VPS13B: variants seen among roughly 807,000 people sequenced by gnomAD.
VPS13B encodes intermembrane lipid transfer protein VPS13B.
In VPS13B, 285 loss-of-function variants were observed where a neutral mutation model predicts 426.4. That is an observed-to-expected ratio of 0.67 (90% CI 0.61 to 0.74). The LOEUF (loss-of-function observed/expected upper bound fraction) is 0.74. Among genes scored for constraint, VPS13B ranks in the 30% least tolerant of loss-of-function variants. The pLI is 0.00. For missense variants in VPS13B, 4,537 were observed against 4,782.6 expected (o/e 0.95, Z 1.51); for synonymous variants, 1,676 against 1,676.4 (o/e 1.00, Z 0.01).
chr8:99,034,105 T>C (rs1842635166), intron 2 of VPS13B, among the ~76,000 whole-genome samples: 1 of 152,252 alleles, frequency 6.6e-6, no homozygotes, highest in Non-Finnish European at 1.5e-5. Flanking sequence ...GCAGCAGCTT[T>C]GGATTTTGAT....
At chr8:99,242,054 C>G (rs1424211623) in intron 17 of VPS13B, among the ~76,000 whole-genome samples, 1 of 152,014 alleles carries the variant, frequency 6.6e-6, no homozygotes, top group Non-Finnish European at 1.5e-5. Flanking sequence ...GGTCTCGGCT[C>G]ACTGCAACCT....
chr8:99,277,833 C>T (rs749962531), intron 19 of VPS13B, among the ~76,000 whole-genome samples: 4 of 152,138 alleles, frequency 2.6e-5, no homozygotes, highest in African/African-American at 4.8e-5. Context: ...ACTGTGTTCC[C>T]AGCATCTAGA....
chr8:99,185,182 C>CT (rs1412288883), intron 16 of VPS13B, among the ~76,000 whole-genome samples: 1 of 152,098 alleles, frequency 6.6e-6, no homozygotes, highest in Admixed American at 6.5e-5. Flanking sequence ...AGGCTGTAGA[C>CT]ATACACCTAT....
chr8:99,642,257 G>A lies in VPS13B; in HGVS notation c.5667G>A (p.Gly1889=), dbSNP rs1196457576. 1.2e-5 allele frequency: 19 copies of A among 1,613,966 alleles called. No homozygotes were observed. The highest frequency in any genetic ancestry group is 2.7e-5 in the African/African-American group (2 of 74,902). The change falls in exon 34 of 62, where the codon GGG becomes GGA. Residue 1889 remains glycine, a synonymous_variant. Transcript: ENST00000357162. ...CTTTTCCTTCAGGGAAAAAAATAGG[G>A]GTCCTCTCTCTTGAAAGTCTTCATG... ...SISFPSGKKI[G]VLSLESLHAS... is the part of the protein sequence containing the mutation.
At chr8:99,778,639 G>A in intron 41 of VPS13B, 43 bp from the exon 42 acceptor site, 1 of 1,531,482 alleles carries the variant, frequency 6.5e-7, no homozygotes, top group South Asian at 1.1e-5. Context: ...ACAAAATATT[G>A]GCTCATCTTA....
chr8:99,819,918 C>T lies in VPS13B; in HGVS notation c.8793-3C>T. 6.2e-7 allele frequency: 1 copy of T among 1,613,812 alleles called. No individual in the cohort carries two copies. The highest frequency in any genetic ancestry group is 8.5e-7 in the Non-Finnish European group (1 of 1,179,814). On this transcript the variant is annotated splice_polypyrimidine_tract_variant and splice_region_variant and intron_variant, in intron 48 of 61. Coordinates refer to ENST00000357162, the MANE Select transcript of VPS13B (RefSeq NM_152564.5). Reference sequence around the variant, plus strand: ...AGTCTCTTGGATGTGGTTTTTGGAACAGGAATGAACAGCTAAGTCAGTGGG... The same window carrying T: ...AGTCTCTTGGATGTGGTTTTTGGAATAGGAATGAACAGCTAAGTCAGTGGG...
At chr8:99,854,294 C>A in intron 56 of VPS13B, 38 bp downstream of exon 56, 1 of 1,599,726 alleles carries the variant, frequency 6.3e-7, no homozygotes, top group Non-Finnish European at 8.5e-7. Flanking sequence ...TGAGCTAGAG[C>A]CCGGGTAGAA....
intron 31 of VPS13B, among the ~76,000 whole-genome samples, chr8:99,559,903 T>G (rs922849930): frequency 6.6e-5 from 10 of 152,166 alleles, no homozygotes. Flanking sequence ...CTTTTTTGGT[T>G]CCATATGAAC....
At chr8:99,065,083 T>A (rs992761656) in intron 3 of VPS13B, among the ~76,000 whole-genome samples, 1 of 152,186 alleles carries the variant, frequency 6.6e-6, no homozygotes, top group African/African-American at 2.4e-5. Flanking sequence ...CCACCAGGCC[T>A]GCCCTAAAAG....
chr8:99,871,185 C>G (rs1817390184), intron 60 of VPS13B: 10 of 612,118 alleles, frequency 1.6e-5, no homozygotes, highest in Non-Finnish European at 2.8e-5. Flanking sequence ...AACCAGCACT[C>G]TAATTAGAGG....
At chr8:99,311,266 T>G (rs1820956820) in intron 19 of VPS13B, among the ~76,000 whole-genome samples, 1 of 152,212 alleles carries the variant, frequency 6.6e-6, no homozygotes, top group Non-Finnish European at 1.5e-5. Flanking sequence ...GATGTTACAG[T>G]GTTGATTTTA....
At chr8:99,177,481 G>A (rs947741385) in intron 16 of VPS13B, among the ~76,000 whole-genome samples, 2 of 152,158 alleles carry the variant, frequency 1.3e-5, no homozygotes, top group African/African-American at 2.4e-5. Context: ...TAAATAGTAT[G>A]TATCTTTATA....
chr8:99,412,022 G>A (rs1815696812), intron 21 of VPS13B, among the ~76,000 whole-genome samples: 1 of 152,088 alleles, frequency 6.6e-6, no homozygotes, highest in Non-Finnish European at 1.5e-5. Flanking sequence ...GGATTGTCTT[G>A]GCTATGCGGG....
intron 16 of VPS13B, among the ~76,000 whole-genome samples, chr8:99,182,617 C>G (rs983023684): frequency 6.6e-6 from 1 of 152,138 alleles, no homozygotes; most frequent in Non-Finnish European, 1.5e-5. Flanking sequence ...TCTTAAAGCA[C>G]TTTCTGTGTA....
At chr8:99,744,823 G>T (rs1046493924) in intron 39 of VPS13B, among the ~76,000 whole-genome samples, 2 of 151,946 alleles carry the variant, frequency 1.3e-5, no homozygotes, top group African/African-American at 4.8e-5. Flanking sequence ...CCTGTTGTGG[G>T]GTGGGGGGAA....
intron 39 of VPS13B, among the ~76,000 whole-genome samples, chr8:99,742,591 A>C (rs1215523226): frequency 6.6e-6 from 1 of 152,156 alleles, no homozygotes; most frequent in Non-Finnish European, 1.5e-5. Flanking sequence ...ATACTGGCAA[A>C]CCGTATCCAG....
chr8:99,808,620 G>T (rs1588731119), intron 43 of VPS13B, among the ~76,000 whole-genome samples: 2 of 149,394 alleles, frequency 1.3e-5, no homozygotes, highest in East Asian at 3.9e-4. Flanking sequence ...ATTATTTTTT[G>T]GAATACTCAT....
intron 5 of VPS13B, among the ~76,000 whole-genome samples, chr8:99,107,009 G>C (rs1023929081): frequency 6.6e-6 from 1 of 152,164 alleles, no homozygotes; most frequent in African/African-American, 2.4e-5. Context: ...TCCTTTGGTG[G>C]ACATATACAT....
chr8:99,523,363 G>A (rs1056618256), intron 30 of VPS13B, among the ~76,000 whole-genome samples: 1 of 152,218 alleles, frequency 6.6e-6, no homozygotes, highest in African/African-American at 2.4e-5. Flanking sequence ...AGGGCCTTGA[G>A]TGAACACAGG....
Sources: allele counts gnomAD v4.1 joint callset (sites outside exome capture counted in the v4.1 genomes callset), GRCh38; gene constraint gnomAD v4.1.1; transcripts MANE v1.5; gene names NCBI Gene and HGNC (gene_info 2026-07-23, HGNC 2026-07-21).